The following FOXP2 variants were observed in gnomAD, a reference collection of about 807,000 sequenced individuals.
FOXP2 encodes the protein forkhead box protein P2.
In FOXP2, 12 loss-of-function variants were observed where a neutral mutation model predicts 115.8. That is an observed-to-expected ratio of 0.10 (90% CI 0.07 to 0.17). The LOEUF is 0.17. FOXP2 is among the 10% of genes least tolerant of loss of function. FOXP2 has a pLI of 1.00. For synonymous variants in FOXP2, 328 were observed against 297.7 expected, an observed-to-expected ratio of 1.10 and a Z score of -1.05; for missense variants, 629 against 843.5, an observed-to-expected ratio of 0.75 and a Z score of 3.15.
In FOXP2 at chr7:114,629,894, ACAGCAGCAACAACAG is replaced by A. The variant is rs766947971; in HGVS notation, c.501_515del (p.Gln187_Gln191del). 1.1e-4 allele frequency: 178 copies of A among 1,612,274 alleles called. 1 individual carries two copies. The African/African-American group carries it at 2.0e-3, about 18-fold the overall frequency. On this transcript the variant is annotated inframe_deletion, in exon 5 of 17. Coordinates refer to ENST00000350908, the MANE Select transcript of FOXP2 (RefSeq NM_014491.4). ...AGCAGCAACAGCAGCAGCAGCAACA[ACAGCAGCAACAACAG>A]CAGCAGCAACAACAACAACAACAGC...
chr7:114,438,641 A>G (rs1447128905), intron 2 of FOXP2, among the ~76,000 whole-genome samples: 1 of 152,158 alleles, frequency 6.6e-6, no homozygotes, highest in Admixed American at 6.5e-5. Flanking sequence ...CCCATTCATA[A>G]TTTAATTCAT....
rs184094648 is a variant in FOXP2, at chr7:114,295,101, G to T, written c.-11+6992G>T. 3.2e-3 allele frequency among the ~76,000 whole-genome samples: 489 copies of T among 152,124 alleles called. 4 individuals carry two copies. The highest frequency in any genetic ancestry group is 0.011 in the African/African-American group (470 of 41,518). ...TTAAACTTGTGGCTTGGAACTATCC[G>T]CTAGTAAAATTTTTGATATCATTAT... On this transcript the variant is annotated intron_variant, in intron 2 of 17. Transcript: ENST00000634411.
intron 2 of FOXP2, among the ~76,000 whole-genome samples, chr7:114,327,792 G>A (rs533984110): frequency 2.7e-5 from 4 of 146,178 alleles, no homozygotes; most frequent in South Asian, 4.5e-4. Flanking sequence ...GAGCCACTGC[G>A]CCTGGCCTCT....
At chr7:114,536,397 C>CTTT (rs3997242) in intron 3 of FOXP2, among the ~76,000 whole-genome samples, 826 of 111,306 alleles carry the variant, frequency 7.4e-3, no homozygotes, top group East Asian at 0.013. Flanking sequence ...TTTTTCTTTT[C>CTTT]TTTTTTTTTT....
intron 3 of FOXP2, among the ~76,000 whole-genome samples, chr7:114,554,865 T>C (rs1419300047): frequency 1.3e-5 from 2 of 152,222 alleles, no homozygotes; most frequent in Non-Finnish European, 2.9e-5. Flanking sequence ...TACTAGTTCA[T>C]CCACGTATCT....
At chr7:114,576,321 A>G (rs6946386) in intron 3 of FOXP2, among the ~76,000 whole-genome samples, 1,948 of 151,974 alleles carry the variant, frequency 0.013, 36 homozygotes, top group African/African-American at 0.043. Flanking sequence ...CTCAGCTGGA[A>G]TGTAAGCTCC....
At chr7:114,375,007 T>C (rs1792107211) in intron 2 of FOXP2, among the ~76,000 whole-genome samples, 1 of 152,036 alleles carries the variant, frequency 6.6e-6, no homozygotes, top group Non-Finnish European at 1.5e-5. Flanking sequence ...TGGAAGAGTA[T>C]GCAGGGTGTT....
chr7:114,523,486 G>A lies in FOXP2; in HGVS notation c.169-11131G>A, dbSNP rs139298376. Among the ~76,000 whole-genome samples the A allele has an allele frequency of 1.5e-3, 230 of 152,130 alleles. 4 individuals are homozygous for A. In the East Asian group the frequency reaches 0.03, roughly 20 times the overall value. ...TCAAGCCTCTTTCCTGTAGATCTGC[G>A]GTAGCATTTCCTTGCCTTGGTACCA... On this transcript the variant is annotated intron_variant, in intron 2 of 16. Transcript: ENST00000350908.
chr7:114,109,309 T>G (rs1465478025), intron 1 of FOXP2, among the ~76,000 whole-genome samples: 1 of 152,060 alleles, frequency 6.6e-6, no homozygotes, highest in Non-Finnish European at 1.5e-5. Flanking sequence ...ACATTTTAAT[T>G]CCAAGGTCAT....
intron 2 of FOXP2, among the ~76,000 whole-genome samples, chr7:114,465,981 A>G (rs796627805): frequency 4.6e-5 from 7 of 152,310 alleles, no homozygotes; most frequent in South Asian, 2.1e-4. Context: ...AGTCTTACCC[A>G]CGAAGCATTA....
chr7:114,628,442 T>C (rs1228727228), intron 3 of FOXP2, 98 bp from the exon 4 acceptor site: 1 of 1,513,734 alleles, frequency 6.6e-7, no homozygotes, highest in Non-Finnish European at 9.1e-7. Context: ...TCATCAATGC[T>C]AAAGAATTTA....
chr7:114,324,068 A>G (rs1797495496), intron 2 of FOXP2, among the ~76,000 whole-genome samples: 1 of 152,054 alleles, frequency 6.6e-6, no homozygotes, highest in South Asian at 2.1e-4. Flanking sequence ...GCCTCATCAC[A>G]GTCTTTACAC....
rs1808223043 is a variant in FOXP2 at position 114,683,914 on chromosome 7, C to CT, written c.2004-5868_2004-5867insT. 5.9e-4 allele frequency among the ~76,000 whole-genome samples: 6 copies of CT among 10,218 alleles called. No individual in the cohort carries two copies. The South Asian group carries it at 0.33, about 568-fold the overall frequency. The allele number at this position is 10,218 out of a possible 152,430, so 6.7% of individuals were successfully genotyped here. ...GGTTTTGGCTTAATCCTCTTTCAACCCCGTGTCTCAGTTCAGACATATTTT... is the reference window on the plus strand; with the variant it reads ...GGTTTTGGCTTAATCCTCTTTCAACCTCCGTGTCTCAGTTCAGACATATTTT... On this transcript the variant is annotated intron_variant, in intron 16 of 16. Transcript: ENST00000350908.
intron 3 of FOXP2, among the ~76,000 whole-genome samples, chr7:114,551,518 C>A (rs1442375625): frequency 6.6e-6 from 1 of 152,066 alleles, no homozygotes; most frequent in East Asian, 1.9e-4. Flanking sequence ...AGCTAGTCTT[C>A]ATTTTTCTGC....
chr7:114,176,311 T>TCC (rs917908433), intron 1 of FOXP2, among the ~76,000 whole-genome samples: 1 of 147,324 alleles, frequency 6.8e-6, no homozygotes, highest in Admixed American at 6.8e-5. Context: ...TCTCTCTCTC[T>TCC]CTCTCTCTCT....
At chr7:114,519,026 CTATT>C (rs1253573995) in intron 2 of FOXP2, among the ~76,000 whole-genome samples, 1 of 152,170 alleles carries the variant, frequency 6.6e-6, no homozygotes, top group Non-Finnish European at 1.5e-5. Flanking sequence ...TTCACAGCAA[CTATT>C]TATTTCACAG....
At chr7:114,426,249 T>C (rs989006921) in intron 1 of FOXP2, among the ~76,000 whole-genome samples, 1 of 151,734 alleles carries the variant, frequency 6.6e-6, no homozygotes, top group Non-Finnish European at 1.5e-5. Context: ...TTGACCATGC[T>C]ATATGCATGG....
chr7:114,667,186 G>C (rs2129343979), intron 16 of FOXP2: 1 of 152,392 alleles, frequency 6.6e-6, no homozygotes, highest in Non-Finnish European at 1.5e-5. Context: ...CATTTTGGGA[G>C]GGGAGGGCAG....
intron 2 of FOXP2, among the ~76,000 whole-genome samples, chr7:114,445,076 G>A (rs1312052869): frequency 6.8e-6 from 1 of 147,604 alleles, no homozygotes; most frequent in African/African-American, 2.5e-5. Flanking sequence ...CAACTATTTT[G>A]ACTCTTTTAC....
Sources: gnomAD v4.1 joint callset for allele counts (sites outside exome capture counted in the v4.1 genomes callset) on GRCh38, gnomAD v4.1.1 for gene constraint, MANE v1.5 for transcripts, NCBI Gene and HGNC (gene_info 2026-07-23, HGNC 2026-07-21) for gene names.